The following COX7B2 variants were observed in gnomAD, a reference collection of about 807,000 sequenced individuals.
COX7B2 encodes the protein cytochrome c oxidase subunit 7B2, mitochondrial.
For synonymous variants in COX7B2, 37 were observed against 32.1 expected, an observed-to-expected ratio of 1.15 and a Z score of -0.51; for missense variants, 109 against 95.9, an observed-to-expected ratio of 1.14 and a Z score of -0.57.
chr4:46,878,329 G>A (rs1392000602), intron 1 of COX7B2, among the ~76,000 whole-genome samples: 5 of 151,800 alleles, frequency 3.3e-5, no homozygotes, highest in Admixed American at 2.0e-4. Flanking sequence ...CTAATGTATA[G>A]CATAATGACT....
chr4:46,791,678 T>C (rs1242296904), intron 2 of COX7B2, among the ~76,000 whole-genome samples: 1 of 152,178 alleles, frequency 6.6e-6, no homozygotes, highest in African/African-American at 2.4e-5. Flanking sequence ...CAACAAAGTC[T>C]GCACTCTAAA....
chr4:46,762,928 C>CAT (rs1560362758), intron 2 of COX7B2, among the ~76,000 whole-genome samples: 3 of 134,244 alleles, frequency 2.2e-5, no homozygotes, highest in African/African-American at 2.8e-5. Flanking sequence ...GTCTATACCA[C>CAT]ATATATATAC....
chr4:46,893,284 T>G (rs1352502794), intron 1 of COX7B2, among the ~76,000 whole-genome samples: 1 of 152,172 alleles, frequency 6.6e-6, no homozygotes. Context: ...CTATAAAAAT[T>G]TGTTCCTTTA....
chr4:46,754,956 C>A (rs899871541), intron 2 of COX7B2, among the ~76,000 whole-genome samples: 2 of 150,706 alleles, frequency 1.3e-5, no homozygotes, highest in Admixed American at 1.3e-4. Context: ...GCCAGTATCA[C>A]CCTGACAGCA....
chr4:46,768,536 G>A (rs1052591710), intron 2 of COX7B2, among the ~76,000 whole-genome samples: 6 of 152,092 alleles, frequency 3.9e-5, no homozygotes, highest in African/African-American at 1.4e-4. Flanking sequence ...AGGGCCATAG[G>A]TCTATGCTTG....
chr4:46,901,770 T>C (rs935706207), intron 1 of COX7B2, among the ~76,000 whole-genome samples: 1 of 152,190 alleles, frequency 6.6e-6, no homozygotes, highest in African/African-American at 2.4e-5. Flanking sequence ...GGAACATCCA[T>C]CTTCTCCTGC....
At chr4:46,803,756 A>G (rs1413041708) in intron 2 of COX7B2, among the ~76,000 whole-genome samples, 1 of 128,372 alleles carries the variant, frequency 7.8e-6, no homozygotes, top group Admixed American at 8.6e-5. Flanking sequence ...TTTTTTTAAC[A>G]TTCCATGAGA....
chr4:46,789,898 C>T (rs540273479), intron 2 of COX7B2, among the ~76,000 whole-genome samples: 1 of 151,968 alleles, frequency 6.6e-6, no homozygotes, highest in East Asian at 1.9e-4. Flanking sequence ...GTAGGTGACA[C>T]TTCTTAGGAT....
chr4:46,788,125 T>C lies in COX7B2; in HGVS notation c.-49-52884A>G, dbSNP rs575861815. ...AAGAGAAAAAAAGTAAAGGAAAACGTAGTAGAGTAGTAGTAGAGTAAAACA... is the reference window on the plus strand; with the variant it reads ...AAGAGAAAAAAAGTAAAGGAAAACGCAGTAGAGTAGTAGTAGAGTAAAACA... On this transcript the variant is annotated intron_variant, in intron 2 of 2. Transcript: ENST00000355591. 6.1e-4 allele frequency among the ~76,000 whole-genome samples: 92 copies of C among 151,754 alleles called. 1 individual carries two copies. Among genetic ancestry groups the C allele is most frequent in the African/African-American group, 2.1e-3 (86 of 41,134 alleles).
intron 2 of COX7B2, among the ~76,000 whole-genome samples, chr4:46,774,772 A>G (rs955435458): frequency 6.6e-6 from 1 of 152,072 alleles, no homozygotes; most frequent in Non-Finnish European, 1.5e-5. Flanking sequence ...GTAGCTGATA[A>G]TAAGCACTCT....
chr4:46,901,379 C>T (rs764849966), intron 1 of COX7B2, among the ~76,000 whole-genome samples: 1 of 152,132 alleles, frequency 6.6e-6, no homozygotes, highest in African/African-American at 2.4e-5. Flanking sequence ...CCACTCTGAT[C>T]GAGTTGGGGG....
intron 2 of COX7B2, among the ~76,000 whole-genome samples, chr4:46,783,946 T>C (rs1717614997): frequency 6.6e-6 from 1 of 152,164 alleles, no homozygotes; most frequent in African/African-American, 2.4e-5. Flanking sequence ...CTAAGGCGAG[T>C]CCTGTCTTTT....
intron 2 of COX7B2, among the ~76,000 whole-genome samples, chr4:46,754,414 G>A (rs1250759287): frequency 6.7e-6 from 1 of 150,374 alleles, no homozygotes; most frequent in East Asian, 2.0e-4. Flanking sequence ...TCCTTTGTAG[G>A]GACTTGGATG....
At chr4:46,801,818 A>G (rs1303507141) in intron 2 of COX7B2, among the ~76,000 whole-genome samples, 2 of 152,146 alleles carry the variant, frequency 1.3e-5, no homozygotes, top group African/African-American at 4.8e-5. Flanking sequence ...TAATCATTTC[A>G]TTTTCTTACA....
chr4:46,770,500 A>T (rs1364485854), intron 2 of COX7B2, among the ~76,000 whole-genome samples: 4 of 152,160 alleles, frequency 2.6e-5, no homozygotes, highest in Admixed American at 2.0e-4. Context: ...CCTAAAATTC[A>T]TATGGAACCA....
intron 2 of COX7B2, among the ~76,000 whole-genome samples, chr4:46,770,859 A>T (rs1716837521): frequency 6.6e-6 from 1 of 152,166 alleles, no homozygotes; most frequent in Admixed American, 6.6e-5. Flanking sequence ...TAAGACCGGA[A>T]ACTGTAAAAC....
intron 2 of COX7B2, among the ~76,000 whole-genome samples, chr4:46,825,373 A>G (rs1393960174): frequency 6.6e-6 from 1 of 152,132 alleles, no homozygotes; most frequent in Non-Finnish European, 1.5e-5. Flanking sequence ...CTGCTCAACT[A>G]AATCATAAAA....
intron 2 of COX7B2, among the ~76,000 whole-genome samples, chr4:46,811,988 C>T (rs1003194638): frequency 5.9e-5 from 9 of 152,138 alleles, no homozygotes; most frequent in African/African-American, 2.2e-4. Context: ...TAGGGATCCT[C>T]TTATTCTTGT....
At chr4:46,906,125 G>T (rs1354987632) in intron 1 of COX7B2, among the ~76,000 whole-genome samples, 2 of 152,048 alleles carry the variant, frequency 1.3e-5, no homozygotes, top group African/African-American at 4.8e-5. Flanking sequence ...CACCGCACCC[G>T]GCCCCATATA....
Sources: allele counts gnomAD v4.1 joint callset (sites outside exome capture counted in the v4.1 genomes callset), GRCh38; gene constraint gnomAD v4.1.1; transcripts MANE v1.5; gene names NCBI Gene and HGNC (gene_info 2026-07-23, HGNC 2026-07-21).